Variants in ZC3H18 observed in about 807,000 individuals in gnomAD.
ZC3H18 encodes zinc finger CCCH-type containing 18.
Under a neutral mutation model 106.1 loss-of-function variants are expected in ZC3H18, and 8 were observed. The observed-to-expected ratio is 0.08, with a 90% CI of 0.04 to 0.14. The LOEUF is 0.14. ZC3H18 is among the 10% of genes least tolerant of loss of function. The pLI, the probability that ZC3H18 is intolerant of heterozygous loss-of-function variation, is 1.00. For synonymous variants in ZC3H18, 635 were observed against 522.1 expected (o/e 1.22, Z -2.95); for missense variants, 1,318 against 1,278.4 (o/e 1.03, Z -0.47).
At chr16:88,594,398 A>G (rs186705240) in intron 3 of ZC3H18, among the ~76,000 whole-genome samples, 1 of 152,352 alleles carries the variant, frequency 6.6e-6, no homozygotes, top group Non-Finnish European at 1.5e-5. Flanking sequence ...TATTTACTGT[A>G]TTCAAAATCA....
chr16:88,586,177 C>T (rs761421858), intron 2 of ZC3H18, among the ~76,000 whole-genome samples: 50 of 152,212 alleles, frequency 3.3e-4, no homozygotes, highest in Non-Finnish European at 5.7e-4. Context: ...TGCCCTGAGG[C>T]ACCCAACTCC....
intron 15 of ZC3H18, 51 bp from the exon 16 acceptor site, chr16:88,628,707 G>C: frequency 6.2e-7 from 1 of 1,602,014 alleles, no homozygotes; most frequent in South Asian, 1.1e-5. Context: ...GCGAGGACAC[G>C]GCTTCTGGCT....
At chr16:88,614,922 C>T (rs1021736501) in intron 8 of ZC3H18, among the ~76,000 whole-genome samples, 2 of 152,212 alleles carry the variant, frequency 1.3e-5, no homozygotes, top group Non-Finnish European at 2.9e-5. Flanking sequence ...CCCAGATGGG[C>T]TGCCCCCATT....
chr16:88,624,889 CT>C, intron 12 of ZC3H18, 144 bp downstream of exon 12: 1 of 1,279,128 alleles, frequency 7.8e-7, no homozygotes, highest in Non-Finnish European at 1.0e-6. Flanking sequence ...CCAGTGAGCC[CT>C]TACCCGGGAA....
At chr16:88,619,383 A>C (rs1161481969) in intron 8 of ZC3H18, among the ~76,000 whole-genome samples, 3 of 152,212 alleles carry the variant, frequency 2.0e-5, no homozygotes, top group African/African-American at 7.2e-5. Flanking sequence ...TCCTTGCTCC[A>C]TGGGCCTGGA....
At chr16:88,619,460 A>G (rs920298374) in intron 8 of ZC3H18, among the ~76,000 whole-genome samples, 1 of 152,020 alleles carries the variant, frequency 6.6e-6, no homozygotes, top group Non-Finnish European at 1.5e-5. Context: ...CAGTGACGAG[A>G]TGGTGCAGGC....
At chr16:88,588,800 C>A (rs1192035452) in intron 3 of ZC3H18, among the ~76,000 whole-genome samples, 1 of 151,846 alleles carries the variant, frequency 6.6e-6, no homozygotes, top group Non-Finnish European at 1.5e-5. Context: ...AGGGGCAGAT[C>A]ACTTGAGCCT....
chr16:88,575,447 A>T (rs1234144173), intron 1 of ZC3H18, among the ~76,000 whole-genome samples: 1 of 151,908 alleles, frequency 6.6e-6, no homozygotes, highest in Non-Finnish European at 1.5e-5. Context: ...CAGTCAAGTG[A>T]CCGCTGACCT....
intron 10 of ZC3H18, 157 bp downstream of exon 10, chr16:88,623,501 C>G (rs1418367529): frequency 6.2e-6 from 6 of 973,912 alleles, no homozygotes; most frequent in Non-Finnish European, 8.9e-6. Flanking sequence ...TCCTGTGTCC[C>G]CCACCAAACA....
chr16:88,603,514 T>C (rs1489835361), intron 6 of ZC3H18, among the ~76,000 whole-genome samples: 1 of 151,044 alleles, frequency 6.6e-6, no homozygotes, highest in Non-Finnish European at 1.5e-5. Context: ...TCCCAGCTAC[T>C]TGGGAGGCTG....
intron 8 of ZC3H18, among the ~76,000 whole-genome samples, chr16:88,615,427 C>T (rs546057736): frequency 6.6e-6 from 1 of 152,346 alleles, no homozygotes; most frequent in South Asian, 2.1e-4. Context: ...CCCGTTGCAG[C>T]CTCTGTGCCT....
chr16:88,631,425 C>G lies in ZC3H18; in HGVS notation c.*126C>G, dbSNP rs542248301. 7.4e-7 allele frequency: 1 copy of G among 1,344,804 alleles called. No homozygotes were observed. Among genetic ancestry groups the G allele is most frequent in the African/African-American group, 1.5e-5 (1 of 67,870 alleles). 83.3% of individuals were successfully genotyped at this position (1,344,804 alleles called of 1,614,324 possible). On this transcript the variant is annotated 3_prime_UTR_variant, in exon 18 of 18. Coordinates refer to ENST00000301011, the MANE Select transcript of ZC3H18 (RefSeq NM_144604.4). ...AAAAGTAAAAAAGAAAAAAAAGTTT[C>G]TCAGCTGGAAAAGAAGCCACACAGG...
intron 13 of ZC3H18, 105 bp downstream of exon 13, chr16:88,625,372 G>T: frequency 2.8e-6 from 4 of 1,432,674 alleles, no homozygotes; most frequent in Non-Finnish European, 3.8e-6. Context: ...GTGGGCTGGG[G>T]CCCTTCTGGA....
chr16:88,573,679 C>T lies in ZC3H18; in HGVS notation c.-15+3113C>T, dbSNP rs900866940. ...CTCCCACCTCAACCACACAAGTAGC[C>T]GGGATTCCAGGTACATGCCACCACT... is the stretch of plus-strand genomic sequence containing the variant. On this transcript the variant is annotated intron_variant, in intron 1 of 17. Coordinates refer to ENST00000301011, the MANE Select transcript of ZC3H18 (RefSeq NM_144604.4). Among the ~76,000 whole-genome samples the T allele has an allele frequency of 5.9e-5, 9 of 151,910 alleles. No individual in the cohort carries two copies. In the South Asian group the frequency reaches 6.2e-4, roughly 11 times the overall value.
chr16:88,583,093 C>T (rs771265148), intron 2 of ZC3H18, among the ~76,000 whole-genome samples: 6 of 152,362 alleles, frequency 3.9e-5, no homozygotes, highest in Non-Finnish European at 8.8e-5. Flanking sequence ...GCCCGGGGCC[C>T]GGCTGCTCGG....
intron 3 of ZC3H18, among the ~76,000 whole-genome samples, chr16:88,591,702 G>A (rs534408803): frequency 7.2e-5 from 11 of 152,376 alleles, no homozygotes; most frequent in African/African-American, 2.6e-4. Context: ...TGCTGTGAAC[G>A]TGGGCGTAAA....
intron 8 of ZC3H18, among the ~76,000 whole-genome samples, chr16:88,621,223 G>GTTTTTTT: frequency 7.1e-6 from 1 of 141,722 alleles, no homozygotes; most frequent in Non-Finnish European, 1.5e-5. Context: ...TTTTGTTTTT[G>GTTTTTTT]TTTTTATTTT....
chr16:88,603,735 G>C (rs1597341814), intron 6 of ZC3H18, among the ~76,000 whole-genome samples: 2 of 149,758 alleles, frequency 1.3e-5, no homozygotes, highest in South Asian at 4.2e-4. Flanking sequence ...CCATTCTTCT[G>C]CCTCAGCTTA....
intron 6 of ZC3H18, among the ~76,000 whole-genome samples, chr16:88,605,030 G>C (rs1376848030): frequency 1.3e-5 from 2 of 152,230 alleles, no homozygotes; most frequent in African/African-American, 4.8e-5. Context: ...GGATACAGAG[G>C]AAACAGAACA....
Sources: gnomAD v4.1 joint callset for allele counts (sites outside exome capture counted in the v4.1 genomes callset) on GRCh38, gnomAD v4.1.1 for gene constraint, MANE v1.5 for transcripts, NCBI Gene and HGNC (gene_info 2026-07-23, HGNC 2026-07-21) for gene names.